Variants in RAB11FIP4 observed in about 807,000 individuals in gnomAD.
The protein encoded by RAB11FIP4 is rab11 family-interacting protein 4.
A neutral mutation model predicts 74.3 loss-of-function variants in RAB11FIP4; 23 were observed. The observed-to-expected ratio is 0.31, with a 90% CI of 0.22 to 0.44. The LOEUF is 0.44. RAB11FIP4 is among the 20% of genes least tolerant of loss of function. The probability of loss-of-function intolerance (pLI) is 1.00; values close to 1 mark genes in which losing one functional copy is unlikely to be tolerated. For synonymous variants in RAB11FIP4, 360 were observed against 359.9 expected (o/e 1.00, Z 0.00); for missense variants, 630 against 863.9 (o/e 0.73, Z 3.39).
chr17:31,462,172 A>C (rs2071640003), intron 3 of RAB11FIP4, among the ~76,000 whole-genome samples: 1 of 152,014 alleles, frequency 6.6e-6, no homozygotes, highest in Non-Finnish European at 1.5e-5. Flanking sequence ...AGGCTAAGGC[A>C]GGAGAATTGC....
intron 2 of RAB11FIP4, among the ~76,000 whole-genome samples, chr17:31,432,737 TC>T (rs1489329013): frequency 6.6e-6 from 1 of 152,152 alleles, no homozygotes; most frequent in Non-Finnish European, 1.5e-5. Context: ...ACAATATAAA[TC>T]CCTCTGTCTT....
intron 3 of RAB11FIP4, among the ~76,000 whole-genome samples, chr17:31,517,120 G>A (rs1032884152): frequency 3.4e-5 from 5 of 148,754 alleles, no homozygotes; most frequent in African/African-American, 1.2e-4. Context: ...GGTTGCAGGA[G>A]GGGACCAATC....
chr17:31,523,369 T>C, intron 7 of RAB11FIP4, 143 bp from the exon 8 acceptor site: 1 of 704,222 alleles, frequency 1.4e-6, no homozygotes, highest in African/African-American at 1.7e-5. Flanking sequence ...TTGGCAACAT[T>C]CTTCCTCTCA....
At chr17:31,399,225 T>A (rs981579256) in intron 1 of RAB11FIP4, among the ~76,000 whole-genome samples, 1 of 152,150 alleles carries the variant, frequency 6.6e-6, no homozygotes, top group African/African-American at 2.4e-5. Flanking sequence ...GATAGACTCT[T>A]AGAGCTGAGT....
chr17:31,440,289 A>G (rs1475380972), intron 3 of RAB11FIP4, among the ~76,000 whole-genome samples: 2 of 152,132 alleles, frequency 1.3e-5, no homozygotes, highest in African/African-American at 2.4e-5. Flanking sequence ...CTCTTTCTCA[A>G]TTGATTTGAA....
In RAB11FIP4 at chr17:31,525,234, G is replaced by T. The variant is rs1019077871; in HGVS notation, c.1274+4G>T. 6.5e-7 allele frequency: 1 copy of T among 1,543,722 alleles called. No individual in the cohort carries two copies. Among genetic ancestry groups the T allele is most frequent in the East Asian group, 2.4e-5 (1 of 40,868 alleles). ...AGGTGGAGCTGCTCAATGCCAGGTGGGCCCCTCCACCGAGCCCCCTCCCTC... is the reference window on the plus strand; with the variant it reads ...AGGTGGAGCTGCTCAATGCCAGGTGTGCCCCTCCACCGAGCCCCCTCCCTC... On this transcript the variant is annotated splice_donor_region_variant and intron_variant, in intron 10 of 14. Coordinates refer to ENST00000621161, the MANE Select transcript of RAB11FIP4 (RefSeq NM_032932.6).
chr17:31,398,934 G>A (rs888113231), intron 1 of RAB11FIP4, among the ~76,000 whole-genome samples: 2 of 152,158 alleles, frequency 1.3e-5, no homozygotes, highest in Non-Finnish European at 2.9e-5. Context: ...TGAGAAGTTC[G>A]GCACTGGGCA....
chr17:31,522,304 G>A lies in RAB11FIP4; in HGVS notation c.894-56G>A, dbSNP rs2072682733. ...TGTGGTGTCTTACAGCTAGGACAGAGTAAGGGAGTGGACTAGAACCCCTCT... is the reference window on the plus strand; with the variant it reads ...TGTGGTGTCTTACAGCTAGGACAGAATAAGGGAGTGGACTAGAACCCCTCT... On this transcript the variant is annotated intron_variant, in intron 6 of 14. Coordinates refer to ENST00000621161, the MANE Select transcript of RAB11FIP4 (RefSeq NM_032932.6). The A allele has an allele frequency of 2.5e-6, 4 of 1,572,602 alleles. No homozygotes were observed. In the South Asian group the frequency reaches 4.5e-5, roughly 18 times the overall value.
intron 3 of RAB11FIP4, among the ~76,000 whole-genome samples, chr17:31,436,071 C>T (rs1264573526): frequency 2.0e-5 from 3 of 152,122 alleles, no homozygotes; most frequent in Non-Finnish European, 4.4e-5. Context: ...TGGGGGGGCC[C>T]TTCCTGGATT....
intron 3 of RAB11FIP4, among the ~76,000 whole-genome samples, chr17:31,439,493 T>A (rs915246774): frequency 1.3e-4 from 20 of 152,374 alleles, no homozygotes; most frequent in African/African-American, 4.8e-4. Context: ...TTTTCTTATC[T>A]TCCCATACCC....
At chr17:31,505,723 A>G (rs1180413769) in intron 3 of RAB11FIP4, among the ~76,000 whole-genome samples, 1 of 124,988 alleles carries the variant, frequency 8.0e-6, no homozygotes, top group African/African-American at 3.1e-5. Flanking sequence ...TAATATTATT[A>G]TTACTATTAT....
At chr17:31,476,868 C>A (rs558429454) in intron 3 of RAB11FIP4, among the ~76,000 whole-genome samples, 1 of 152,332 alleles carries the variant, frequency 6.6e-6, no homozygotes, top group Admixed American at 6.5e-5. Context: ...CTTTGCCCAG[C>A]CCAGCCCTGG....
Position 31,403,220 on chromosome 17 carries a change from T to C in RAB11FIP4, c.159+11209T>C, listed in dbSNP as rs552791772. Reference sequence around the variant, plus strand: ...GGGCTCCCTTGTGCAATGACCAAAGTCTTCTGCAGCCACTGGTGATTTTCC... The same window carrying C: ...GGGCTCCCTTGTGCAATGACCAAAGCCTTCTGCAGCCACTGGTGATTTTCC... On this transcript the variant is annotated intron_variant, in intron 1 of 14. Transcript: ENST00000621161. 3.5e-4 allele frequency among the ~76,000 whole-genome samples: 53 copies of C among 151,306 alleles called. No homozygotes were observed. In the South Asian group the frequency reaches 9.6e-3, roughly 27 times the overall value.
intron 13 of RAB11FIP4, 29 bp from the exon 14 acceptor site, chr17:31,530,297 T>A (rs932423876): frequency 2.5e-6 from 4 of 1,611,314 alleles, no homozygotes; most frequent in Middle Eastern, 1.7e-4. Context: ...CTCTTGGGGT[T>A]GATGTCGCCT....
intron 3 of RAB11FIP4, among the ~76,000 whole-genome samples, chr17:31,491,430 C>T (rs766555365): frequency 2.6e-5 from 4 of 152,228 alleles, no homozygotes; most frequent in African/African-American, 4.8e-5. Context: ...CAGTAAAACA[C>T]GGAGTATGGG....
chr17:31,448,726 G>T (rs921119900), intron 3 of RAB11FIP4, among the ~76,000 whole-genome samples: 1 of 151,980 alleles, frequency 6.6e-6, no homozygotes, highest in Non-Finnish European at 1.5e-5. Context: ...AGCCCTCTTT[G>T]TCTGGGGCTG....
At chr17:31,479,090 C>T (rs539636256) in intron 3 of RAB11FIP4, among the ~76,000 whole-genome samples, 31 of 152,286 alleles carry the variant, frequency 2.0e-4, no homozygotes, top group African/African-American at 7.5e-4. Context: ...CCTCAGTTTC[C>T]TTATTTGTTT....
At chr17:31,435,800 C>G (rs74841866) in intron 3 of RAB11FIP4, among the ~76,000 whole-genome samples, 1,536 of 152,314 alleles carry the variant, frequency 0.01, 26 homozygotes, top group African/African-American at 0.035. Context: ...AAGCCAGGCA[C>G]CAACTGTGGG....
In RAB11FIP4 at chr17:31,502,623, G is replaced by A. The variant is rs117850855; in HGVS notation, c.337-15028G>A. 3.9e-4 allele frequency among the ~76,000 whole-genome samples: 59 copies of A among 152,232 alleles called. No homozygotes were observed. In the East Asian group the frequency reaches 0.01, roughly 26 times the overall value. ...GTTGAATTGAATTGACCTTTAAAAA[G>A]TTCTCTTTTGTTATCAGGGTGAGAA... On this transcript the variant is annotated intron_variant, in intron 3 of 14. Coordinates refer to ENST00000621161, the MANE Select transcript of RAB11FIP4 (RefSeq NM_032932.6).
Sources: allele counts gnomAD v4.1 joint callset (sites outside exome capture counted in the v4.1 genomes callset), GRCh38; gene constraint gnomAD v4.1.1; transcripts MANE v1.5; gene names NCBI Gene and HGNC (gene_info 2026-07-23, HGNC 2026-07-21).